Variants in PPIL4 observed in about 807,000 individuals in gnomAD.
The protein encoded by PPIL4 is peptidyl-prolyl cis-trans isomerase-like 4.
A neutral mutation model predicts 69.1 loss-of-function variants in PPIL4; 50 were observed. That is an observed-to-expected ratio of 0.72 (90% CI 0.58 to 0.92). PPIL4 has a LOEUF of 0.92. PPIL4 is among the 40% of genes least tolerant of loss of function. The pLI, the probability that PPIL4 is intolerant of heterozygous loss-of-function variation, is 0.00. For missense variants in PPIL4, 480 were observed against 587.9 expected (o/e 0.82, Z 1.90); for synonymous variants, 193 against 191.6 (o/e 1.01, Z -0.06).
At chr6:149,531,324 C>A (rs1382678466) in intron 7 of PPIL4, among the ~76,000 whole-genome samples, 1 of 146,770 alleles carries the variant, frequency 6.8e-6, no homozygotes, top group East Asian at 2.0e-4. Context: ...AAGATCGTGC[C>A]ATTGCACTCC....
intron 7 of PPIL4, among the ~76,000 whole-genome samples, chr6:149,530,892 G>A (rs1562260745): frequency 6.6e-6 from 1 of 152,068 alleles, no homozygotes; most frequent in Non-Finnish European, 1.5e-5. Context: ...ATTGTCTATT[G>A]GAGACACCAG....
chr6:149,538,988 T>C (rs1406070243), intron 4 of PPIL4, among the ~76,000 whole-genome samples: 2 of 152,024 alleles, frequency 1.3e-5, no homozygotes, highest in Non-Finnish European at 2.9e-5. Context: ...CTGGGACTAC[T>C]GGCGCCTGCC....
intron 11 of PPIL4, among the ~76,000 whole-genome samples, chr6:149,512,541 A>C (rs1212164937): frequency 1.3e-5 from 2 of 152,220 alleles, no homozygotes; most frequent in African/African-American, 4.8e-5. Context: ...CAAAAAAATT[A>C]GGAGGAAAAA....
At chr6:149,531,918 TC>T (rs1444480506) in intron 7 of PPIL4, among the ~76,000 whole-genome samples, 1 of 152,196 alleles carries the variant, frequency 6.6e-6, no homozygotes, top group Non-Finnish European at 1.5e-5. Flanking sequence ...TCCACCCGCC[TC>T]GGCCTCCCAA....
chr6:149,511,411 G>GTGTGTGTA (rs1362881035), intron 12 of PPIL4, among the ~76,000 whole-genome samples: 6 of 151,570 alleles, frequency 4.0e-5, no homozygotes, highest in African/African-American at 1.5e-4. Context: ...GTGTGTGTGT[G>GTGTGTGTA]TGTGTGTGTA....
chr6:149,513,428 T>TATATATATAC (rs1203184013), intron 11 of PPIL4, among the ~76,000 whole-genome samples: 1,433 of 126,788 alleles, frequency 0.011, 50 homozygotes, highest in African/African-American at 0.045. Context: ...TATATATATA[T>TATATATATAC]ATATATATAT....
rs188240682 is a variant in PPIL4 at position 149,512,712 on chromosome 6, G to A, written c.1080-410C>T. Among the ~76,000 whole-genome samples, 26 of 152,216 alleles carry A rather than the reference G, an allele frequency of 1.7e-4. No homozygotes were observed. The South Asian group carries it at 1.9e-3, about 11-fold the overall frequency. ...TTTAGTTCAATCAAGAGGAAATTCA[G>A]CAATGCATATCGAGTTATCATGTTT... On this transcript the variant is annotated intron_variant, in intron 11 of 12. Transcript: ENST00000253329.
intron 1 of PPIL4, among the ~76,000 whole-genome samples, chr6:149,541,953 G>A (rs1262299152): frequency 1.3e-5 from 2 of 152,084 alleles, no homozygotes; most frequent in Admixed American, 6.5e-5. Context: ...GGTGGAGGTT[G>A]CAGTGAACCA....
chr6:149,517,638 A>C, intron 10 of PPIL4, 188 bp from the exon 11 acceptor site: 1 of 467,810 alleles, frequency 2.1e-6, no homozygotes, highest in Non-Finnish European at 3.8e-6. Context: ...CATTTTTGCT[A>C]GGTAGCCACA....
At chr6:149,523,975 C>T (rs1047472651) in intron 9 of PPIL4, among the ~76,000 whole-genome samples, 12 of 152,140 alleles carry the variant, frequency 7.9e-5, no homozygotes, top group African/African-American at 2.9e-4. Context: ...CTTCCCCAAC[C>T]CTCCATGATT....
chr6:149,543,693 A>G (rs1777396477), intron 1 of PPIL4, among the ~76,000 whole-genome samples: 3 of 148,884 alleles, frequency 2.0e-5, no homozygotes. Context: ...TCATAGTTCC[A>G]TTTTTTCTTG....
Position 149,545,966 on chromosome 6 carries a change from T to G in PPIL4, c.40A>C (p.Ile14Leu), listed in dbSNP as rs1483234150. Residue 14 changes from isoleucine (I) to leucine (L), a missense_variant, in exon 1 of 13, where the codon ATC becomes CTC. Ile to Leu is a conservative substitution (Grantham distance 5). Transcript: ENST00000253329. ...LLETTLGDVV[I>L]DLYTEERPRA... ...GGCCGTTCTTCGGTGTACAAGTCGA[T>G]GACGACGTCGCCTAAAGTGGTCTCC... 3 of 1,590,842 alleles carry G rather than the reference T, an allele frequency of 1.9e-6. No individual in the cohort carries two copies. In the East Asian group the frequency reaches 6.8e-5, roughly 36 times the overall value.
chr6:149,524,385 C>T (rs912548896), intron 9 of PPIL4, among the ~76,000 whole-genome samples: 3 of 152,182 alleles, frequency 2.0e-5, no homozygotes, highest in Non-Finnish European at 4.4e-5. Context: ...AAGGGGCCAT[C>T]TATTCTAATA....
At chr6:149,516,849 G>A (rs891314182) in intron 11 of PPIL4, 1 of 152,174 alleles carries the variant, frequency 6.6e-6, no homozygotes, top group Non-Finnish European at 1.5e-5. Context: ...TCTAGGTAAG[G>A]AAGTTAAACA....
rs918189788 is a variant in PPIL4 at position 149,541,239 on chromosome 6, G to A, written c.203+128C>T. 5.9e-6 allele frequency: 3 copies of A among 509,228 alleles called. No homozygotes were observed. In the African/African-American group the frequency reaches 5.9e-5, roughly 10 times the overall value. 31.5% of individuals were successfully genotyped at this position (509,228 alleles called of 1,614,324 possible). A position where few individuals can be genotyped will look rare whatever the true frequency, so the allele number is the denominator to read the frequency against. On this transcript the variant is annotated intron_variant, in intron 3 of 12. Coordinates refer to ENST00000253329, the MANE Select transcript of PPIL4 (RefSeq NM_139126.4). Reference sequence around the variant, plus strand: ...CTAAATTTAAACCATATTTTAAAATGCAGATTGAAGCATGAGCAATTATAT... The same window carrying A: ...CTAAATTTAAACCATATTTTAAAATACAGATTGAAGCATGAGCAATTATAT...
chr6:149,509,630 A>T (rs1220123102), intron 12 of PPIL4, among the ~76,000 whole-genome samples: 1 of 152,250 alleles, frequency 6.6e-6, no homozygotes, highest in East Asian at 1.9e-4. Context: ...ATTAGATCAC[A>T]TTGGAATATT....
intron 11 of PPIL4, among the ~76,000 whole-genome samples, chr6:149,513,444 T>G (rs1403430114): frequency 1.5e-5 from 1 of 67,864 alleles, no homozygotes. Flanking sequence ...TATATACATA[T>G]AAAAAATATG....
intron 12 of PPIL4, among the ~76,000 whole-genome samples, chr6:149,507,745 A>T (rs777926846): frequency 1.3e-5 from 2 of 152,126 alleles, no homozygotes; most frequent in Non-Finnish European, 2.9e-5. Context: ...CTTTAAAATC[A>T]CTCCTACTCG....
At position 149,506,279 on chromosome 6, in the gene PPIL4, G is replaced by C. The variant is rs143023417; in HGVS notation, c.1228-575C>G. Among the ~76,000 whole-genome samples, 1,463 of 152,246 alleles carry C rather than the reference G, an allele frequency of 9.6e-3. 31 individuals are homozygous for C. Among genetic ancestry groups the C allele is most frequent in the African/African-American group, 0.034 (1,409 of 41,526 alleles). ...GGATCACCTGAGGTCAGGAGTTCAA[G>C]ACCAGCCTGACCAACATGGAGAAAC... On this transcript the variant is annotated intron_variant, in intron 12 of 12. Transcript: ENST00000253329.
Sources: gnomAD v4.1 joint callset for allele counts (sites outside exome capture counted in the v4.1 genomes callset) on GRCh38, gnomAD v4.1.1 for gene constraint, MANE v1.5 for transcripts, NCBI Gene and HGNC (gene_info 2026-07-23, HGNC 2026-07-21) for gene names.